NRXN1: variants seen among roughly 807,000 people sequenced by gnomAD.
NRXN1 encodes the protein neurexin-1.
A neutral mutation model predicts 150.9 loss-of-function variants in NRXN1; 39 were observed. The ratio of observed to expected loss-of-function variants is 0.26; its 90% CI spans 0.20 to 0.34. The LOEUF (loss-of-function observed/expected upper bound fraction) is 0.34. Among genes scored for constraint, NRXN1 ranks in the 10% least tolerant of loss-of-function variants. NRXN1 has a pLI of 1.00. For missense variants in NRXN1, 1,815 were observed against 1,949.9 expected, an observed-to-expected ratio of 0.93 and a Z score of 1.30; for synonymous variants, 924 against 757.0, an observed-to-expected ratio of 1.22 and a Z score of -3.62.
intron 18 of NRXN1, among the ~76,000 whole-genome samples, chr2:50,095,685 A>T (rs1163981976): frequency 1.3e-5 from 2 of 152,036 alleles, no homozygotes; most frequent in African/African-American, 4.8e-5. Context: ...CAGATTTCAT[A>T]GGATTTGGTT....
chr2:50,311,258 C>T (rs1372460612), intron 17 of NRXN1, among the ~76,000 whole-genome samples: 1 of 152,066 alleles, frequency 6.6e-6, no homozygotes, highest in Non-Finnish European at 1.5e-5. Flanking sequence ...TCATACTTTT[C>T]AATTTAACAA....
At chr2:50,582,162 A>G (rs561136824) in intron 8 of NRXN1, among the ~76,000 whole-genome samples, 2 of 152,294 alleles carry the variant, frequency 1.3e-5, no homozygotes, top group East Asian at 3.9e-4. Flanking sequence ...ATTCCTCGCT[A>G]TAAATTGCAG....
At chr2:50,896,581 T>C (rs912470220) in intron 5 of NRXN1, among the ~76,000 whole-genome samples, 3 of 152,208 alleles carry the variant, frequency 2.0e-5, no homozygotes, top group African/African-American at 7.2e-5. Context: ...GCGCAGTGGC[T>C]CACACCTGTA....
In NRXN1 at chr2:50,984,400, G is replaced by A. The variant is rs530936727; in HGVS notation, c.772+43102C>T. Reference sequence around the variant, plus strand: ...AGAATATATAACGAAGAGTGTATGCGGCCAGCAAAGCCTAAAATATTTATG... The same window carrying A: ...AGAATATATAACGAAGAGTGTATGCAGCCAGCAAAGCCTAAAATATTTATG... On this transcript the variant is annotated intron_variant, in intron 2 of 22. Coordinates refer to ENST00000401669, the MANE Select transcript of NRXN1 (RefSeq NM_001330078.2). 4.6e-4 allele frequency among the ~76,000 whole-genome samples: 70 copies of A among 151,822 alleles called. 1 individual carries two copies. In the South Asian group the frequency reaches 9.8e-3, roughly 21 times the overall value.
chr2:50,305,581 C>T (rs1468012855), intron 17 of NRXN1, among the ~76,000 whole-genome samples: 2 of 152,188 alleles, frequency 1.3e-5, no homozygotes, highest in African/African-American at 2.4e-5. Flanking sequence ...GAGTCATTAA[C>T]AATTAATACT....
intron 18 of NRXN1, among the ~76,000 whole-genome samples, chr2:50,203,102 A>G (rs1192946459): frequency 6.6e-6 from 1 of 152,160 alleles, no homozygotes; most frequent in Non-Finnish European, 1.5e-5. Context: ...TCAAGGTCGT[A>G]CTGCAGGTGA....
At chr2:50,087,910 C>T (rs12615968) in intron 19 of NRXN1, among the ~76,000 whole-genome samples, 49,325 of 151,884 alleles carry the variant, frequency 0.32, 8,436 homozygotes, top group Non-Finnish European at 0.38. Flanking sequence ...CATATAAAAG[C>T]ACTTACCACA....
intron 5 of NRXN1, among the ~76,000 whole-genome samples, chr2:50,691,819 T>A (rs896017734): frequency 6.6e-6 from 1 of 152,130 alleles, no homozygotes; most frequent in African/African-American, 2.4e-5. Context: ...TCTCATTCAC[T>A]TTCTCTCTCT....
At chr2:50,411,651 A>G (rs1674232897) in intron 17 of NRXN1, among the ~76,000 whole-genome samples, 1 of 150,202 alleles carries the variant, frequency 6.7e-6, no homozygotes, top group African/African-American at 2.5e-5. Context: ...CCCGTCTGAG[A>G]AGTGAGGAGC....
intron 17 of NRXN1, among the ~76,000 whole-genome samples, chr2:50,313,254 C>T (rs1248762473): frequency 2.0e-5 from 3 of 152,086 alleles, no homozygotes; most frequent in Non-Finnish European, 4.4e-5. Flanking sequence ...TTATATTCTG[C>T]TCACTCTTAC....
chr2:50,206,262 C>A (rs965927995), intron 18 of NRXN1, among the ~76,000 whole-genome samples: 3 of 141,222 alleles, frequency 2.1e-5, no homozygotes, highest in Admixed American at 7.1e-5. Flanking sequence ...CACACACACA[C>A]AACAATTTTT....
At chr2:49,954,256 T>G (rs1421939049) in intron 21 of NRXN1, among the ~76,000 whole-genome samples, 1 of 152,106 alleles carries the variant, frequency 6.6e-6, no homozygotes, top group Non-Finnish European at 1.5e-5. Context: ...CAGCATTGAA[T>G]TCATTTTGGC....
At chr2:50,970,470 G>A (rs771813374) in intron 2 of NRXN1, among the ~76,000 whole-genome samples, 10 of 151,940 alleles carry the variant, frequency 6.6e-5, no homozygotes, top group Non-Finnish European at 1.5e-4. Context: ...GATTACTTTG[G>A]AGTTCCAAGG....
chr2:50,624,585 G>A (rs1680662694), intron 5 of NRXN1, among the ~76,000 whole-genome samples: 1 of 151,984 alleles, frequency 6.6e-6, no homozygotes, highest in Non-Finnish European at 1.5e-5. Context: ...TCTGGTCTGG[G>A]AGTAAACAGA....
intron 5 of NRXN1, among the ~76,000 whole-genome samples, chr2:50,862,949 A>G (rs545772442): frequency 6.6e-6 from 1 of 152,192 alleles, no homozygotes; most frequent in East Asian, 1.9e-4. Flanking sequence ...AGCCTTCAAA[A>G]TAATATTATA....
intron 12 of NRXN1, among the ~76,000 whole-genome samples, chr2:50,522,922 C>T (rs1160936932): frequency 2.0e-5 from 3 of 150,622 alleles, no homozygotes; most frequent in South Asian, 2.1e-4. Context: ...TTAGTAGAGA[C>T]GGGGTTTCAC....
At chr2:50,625,733 C>A (rs577895427) in intron 5 of NRXN1, among the ~76,000 whole-genome samples, 1 of 152,026 alleles carries the variant, frequency 6.6e-6, no homozygotes, top group African/African-American at 2.4e-5. Flanking sequence ...CAATTATTTG[C>A]TTTTCAAATT....
intron 17 of NRXN1, among the ~76,000 whole-genome samples, chr2:50,303,116 A>G (rs1575003784): frequency 6.6e-6 from 1 of 152,308 alleles, no homozygotes; most frequent in South Asian, 2.1e-4. Context: ...TCATCTTCTC[A>G]TCTGGATCTC....
chr2:50,853,331 G>A (rs1674784553), intron 5 of NRXN1, among the ~76,000 whole-genome samples: 1 of 152,068 alleles, frequency 6.6e-6, no homozygotes, highest in African/African-American at 2.4e-5. Context: ...TAATTGCTCA[G>A]AGAGAAATAA....
Sources: allele counts gnomAD v4.1 joint callset (sites outside exome capture counted in the v4.1 genomes callset), GRCh38; gene constraint gnomAD v4.1.1; transcripts MANE v1.5; gene names NCBI Gene and HGNC (gene_info 2026-07-23, HGNC 2026-07-21).